The following CTNNA2 variants were observed in gnomAD, a reference collection of about 807,000 sequenced individuals.
CTNNA2 encodes the protein catenin alpha-2.
CTNNA2 carries 42 observed loss-of-function variants against 101.0 expected under a neutral mutation model. The observed-to-expected ratio is 0.42, with a 90% confidence interval of 0.32 to 0.54. The LOEUF (loss-of-function observed/expected upper bound fraction) is 0.54, where lower values mean the gene tolerates loss of function less well. CTNNA2 is among the 20% of genes least tolerant of loss of function. The pLI is 0.14. For missense variants in CTNNA2, 871 were observed against 1,223.1 expected (o/e 0.71, Z 4.29); for synonymous variants, 450 against 456.4 (o/e 0.99, Z 0.18).
intron 4 of CTNNA2, among the ~76,000 whole-genome samples, chr2:79,439,523 C>A (rs1678755030): frequency 6.6e-6 from 1 of 152,076 alleles, no homozygotes; most frequent in South Asian, 2.1e-4. Context: ...TGTAAATATA[C>A]TAAAAACCAA....
chr2:79,195,483 G>A (rs1197327544), intron 1 of CTNNA2, among the ~76,000 whole-genome samples: 1 of 152,234 alleles, frequency 6.6e-6, no homozygotes. Context: ...CAGCAAGATC[G>A]CTTTTACAAC....
At chr2:80,611,699 G>A (rs1006611018) in intron 17 of CTNNA2, among the ~76,000 whole-genome samples, 1 of 151,444 alleles carries the variant, frequency 6.6e-6, no homozygotes. Flanking sequence ...GATTTATACA[G>A]AGCGTATGAT....
intron 6 of CTNNA2, among the ~76,000 whole-genome samples, chr2:79,901,511 T>A (rs1268498373): frequency 1.3e-5 from 2 of 152,182 alleles, no homozygotes; most frequent in Admixed American, 6.5e-5. Flanking sequence ...TCCATGCTGA[T>A]TAGCTTAGAT....
At chr2:79,358,232 T>C (rs1462956501) in intron 3 of CTNNA2, among the ~76,000 whole-genome samples, 1 of 151,702 alleles carries the variant, frequency 6.6e-6, no homozygotes. Flanking sequence ...GGAGTTTTGC[T>C]CTAGTCACCC....
intron 7 of CTNNA2, among the ~76,000 whole-genome samples, chr2:80,225,272 A>G (rs902854331): frequency 9.9e-5 from 15 of 152,188 alleles, no homozygotes; most frequent in African/African-American, 3.4e-4. Context: ...GCAGAGCCCG[A>G]TTGCCCTTTT....
intron 2 of CTNNA2, among the ~76,000 whole-genome samples, chr2:79,238,854 A>G (rs534586418): frequency 6.6e-6 from 1 of 152,322 alleles, no homozygotes; most frequent in South Asian, 2.1e-4. Context: ...ATCCTTTGCA[A>G]TATATTTTTC....
intron 4 of CTNNA2, among the ~76,000 whole-genome samples, chr2:79,407,327 G>A (rs1302933972): frequency 6.6e-6 from 1 of 152,026 alleles, no homozygotes; most frequent in African/African-American, 2.4e-5. Context: ...AACATACAAT[G>A]TAGGGGATAA....
chr2:79,907,882 C>T (rs958687198), intron 6 of CTNNA2, among the ~76,000 whole-genome samples: 3 of 152,140 alleles, frequency 2.0e-5, no homozygotes, highest in Non-Finnish European at 2.9e-5. Flanking sequence ...ATACCTGTTC[C>T]TTTCTAAGTC....
chr2:79,349,741 G>A (rs1303153495), intron 3 of CTNNA2, among the ~76,000 whole-genome samples: 2 of 152,144 alleles, frequency 1.3e-5, no homozygotes, highest in African/African-American at 4.8e-5. Context: ...TGTATGTGAA[G>A]GCATCAGAGA....
chr2:79,776,473 G>A (rs947848382), intron 3 of CTNNA2, among the ~76,000 whole-genome samples: 1 of 152,004 alleles, frequency 6.6e-6, no homozygotes, highest in Admixed American at 6.6e-5. Flanking sequence ...CATATGAGTC[G>A]GGAAGAAAAA....
intron 1 of CTNNA2, among the ~76,000 whole-genome samples, chr2:79,519,844 C>T (rs1049443499): frequency 1.3e-5 from 2 of 152,170 alleles, no homozygotes; most frequent in African/African-American, 2.4e-5. Context: ...ATTGAAGGTA[C>T]AAGTCAGTTG....
intron 1 of CTNNA2, among the ~76,000 whole-genome samples, chr2:79,549,844 T>C (rs977859596): frequency 6.6e-6 from 1 of 152,218 alleles, no homozygotes; most frequent in African/African-American, 2.4e-5. Context: ...GTTTTTGATA[T>C]ACTATTTTGA....
chr2:79,235,346 G>A (rs186025773), intron 2 of CTNNA2, among the ~76,000 whole-genome samples: 108 of 127,316 alleles, frequency 8.5e-4, no homozygotes, highest in African/African-American at 3.3e-3. Flanking sequence ...GGTGCATAAC[G>A]TTAGCTGGCA....
intron 7 of CTNNA2, among the ~76,000 whole-genome samples, chr2:80,189,475 C>T (rs1368064437): frequency 6.6e-6 from 1 of 152,224 alleles, no homozygotes; most frequent in African/African-American, 2.4e-5. Flanking sequence ...TTCTTCCCTG[C>T]AGCATGGGAT....
chr2:80,037,789 A>C (rs994735298), intron 7 of CTNNA2, among the ~76,000 whole-genome samples: 7 of 152,214 alleles, frequency 4.6e-5, no homozygotes, highest in African/African-American at 1.7e-4. Flanking sequence ...CTGTAACTAA[A>C]AAAAATTAGT....
rs76345416 is a variant in CTNNA2, at chr2:80,261,406, T to C, written c.1057-131805T>C. On this transcript the variant is annotated intron_variant, in intron 7 of 18. Transcript: ENST00000402739. The stretch of plus-strand genomic sequence containing the variant: ...GTTAGAATGTACCTCAGAAATTAGC[T>C]TCATCCAGTTTAATGACTTCATTAC... Among the ~76,000 whole-genome samples the C allele has an allele frequency of 5.8e-3, 889 of 152,122 alleles. 11 individuals carry two copies. Among genetic ancestry groups the C allele is most frequent in the African/African-American group, 0.02 (848 of 41,500 alleles).
intron 2 of CTNNA2, among the ~76,000 whole-genome samples, chr2:79,737,320 G>T (rs1380811875): frequency 2.0e-5 from 3 of 149,868 alleles, no homozygotes; most frequent in African/African-American, 7.4e-5. Flanking sequence ...CCACTCTCCA[G>T]CCTGGGCAAC....
intron 9 of CTNNA2, among the ~76,000 whole-genome samples, chr2:80,421,450 G>A (rs982698041): frequency 1.3e-5 from 2 of 152,088 alleles, no homozygotes; most frequent in African/African-American, 4.8e-5. Flanking sequence ...ATATGAGACT[G>A]GGGCCAAAGA....
chr2:80,287,310 TC>T (rs1558970587), intron 7 of CTNNA2, among the ~76,000 whole-genome samples: 1 of 152,052 alleles, frequency 6.6e-6, no homozygotes, highest in Non-Finnish European at 1.5e-5. Context: ...ACTACCATCT[TC>T]CCCCCTCCCG....
Sources: allele counts gnomAD v4.1 joint callset (sites outside exome capture counted in the v4.1 genomes callset), GRCh38; gene constraint gnomAD v4.1.1; transcripts MANE v1.5; gene names NCBI Gene and HGNC (gene_info 2026-07-23, HGNC 2026-07-21).